The following UGDH variants were observed in gnomAD, a reference collection of about 807,000 sequenced individuals.
UGDH encodes UDP-glucose 6-dehydrogenase.
In UGDH, 38 loss-of-function variants were observed where a neutral mutation model predicts 50.6. That is an observed-to-expected ratio of 0.75 (90% CI 0.58 to 0.98). The LOEUF is 0.98. Among genes scored for constraint, UGDH ranks in the 50% least tolerant of loss-of-function variants. The pLI is 0.00. For missense variants in UGDH, 465 were observed against 606.2 expected (o/e 0.77, Z 2.45); for synonymous variants, 168 against 199.9 (o/e 0.84, Z 1.35).
intron 1 of UGDH, among the ~76,000 whole-genome samples, chr4:39,525,013 T>A (rs1746817651): frequency 6.6e-6 from 1 of 152,214 alleles, no homozygotes; most frequent in African/African-American, 2.4e-5. Context: ...CTATTTCCCA[T>A]GAAATACGGC....
chr4:39,500,341 C>CTAGAT (rs1745750517), intron 11 of UGDH, 88 bp from the exon 12 acceptor site: 5 of 793,034 alleles, frequency 6.3e-6, no homozygotes, highest in Admixed American at 2.9e-5. Flanking sequence ...CAGGGGGAAT[C>CTAGAT]TAGATTTTTT....
intron 11 of UGDH, among the ~76,000 whole-genome samples, chr4:39,503,252 G>A (rs1461570396): frequency 6.6e-6 from 1 of 152,036 alleles, no homozygotes; most frequent in Non-Finnish European, 1.5e-5. Context: ...GTTTCACCAT[G>A]TTGGCTAGGC....
In UGDH at chr4:39,510,769, G is replaced by A. The variant is rs535403403; in HGVS notation, c.357C>T (p.Asn119=). Residue 119 remains asparagine (N), a synonymous_variant, in exon 4 of 12, where the codon AAC becomes AAT. Transcript: ENST00000316423. The part of the protein sequence containing the change: ...IEACARRIVQ[N]SNGYKIVTEK... ...CAGTCACAATTTTGTACCCATTTGA[G>A]TTTTGCACAATGCGTCTAGCACAAG... 1.2e-6 allele frequency: 2 copies of A among 1,614,210 alleles called. No homozygotes were observed. Among genetic ancestry groups the A allele is most frequent in the Admixed American group, 3.3e-5 (2 of 60,016 alleles).
At chr4:39,515,771 C>A (rs1202901857) in intron 2 of UGDH, among the ~76,000 whole-genome samples, 1 of 152,172 alleles carries the variant, frequency 6.6e-6, no homozygotes, top group Admixed American at 6.5e-5. Flanking sequence ...ACCATCTCGT[C>A]TCACTGCAAC....
chr4:39,523,768 T>C (rs1402456395), intron 1 of UGDH, among the ~76,000 whole-genome samples: 8 of 150,868 alleles, frequency 5.3e-5, no homozygotes. Flanking sequence ...CGTGCCATGT[T>C]GCACTCCAGC....
intron 9 of UGDH, 84 bp downstream of exon 9, chr4:39,505,153 T>C (rs1305969777): frequency 7.1e-7 from 1 of 1,399,444 alleles, no homozygotes; most frequent in Non-Finnish European, 9.6e-7. Context: ...ATATACATGA[T>C]AAAACTGAAC....
chr4:39,505,751 G>A lies in UGDH; in HGVS notation c.907-3C>T. Reference sequence around the variant, plus strand: ...TGGTAGTCATTCATGTCTATGACCTGAAATTACATGTACAATTGTGCAATG... The same window carrying A: ...TGGTAGTCATTCATGTCTATGACCTAAAATTACATGTACAATTGTGCAATG... On this transcript the variant is annotated splice_region_variant and splice_polypyrimidine_tract_variant and intron_variant, in intron 7 of 11. Coordinates refer to ENST00000316423, the MANE Select transcript of UGDH (RefSeq NM_003359.4). 1 of 1,602,754 alleles carries A rather than the reference G, an allele frequency of 6.2e-7. No homozygotes were observed.
At position 39,506,796 on chromosome 4, in the gene UGDH, G is replaced by C. The variant is rs143247924; in HGVS notation, c.907-1048C>G. 2.6e-5 allele frequency among the ~76,000 whole-genome samples: 4 copies of C among 152,258 alleles called. No individual in the cohort carries two copies. In the East Asian group the frequency reaches 7.7e-4, roughly 29 times the overall value. On this transcript the variant is annotated intron_variant, in intron 7 of 11. Transcript: ENST00000316423. Reference sequence around the variant, plus strand: ...AGTTTATCTGCATTTTTCACACAATGAACAGTGAGATAAAGCCATCATGAT... The same window carrying C: ...AGTTTATCTGCATTTTTCACACAATCAACAGTGAGATAAAGCCATCATGAT...
At chr4:39,523,911 T>C (rs558459699) in intron 1 of UGDH, among the ~76,000 whole-genome samples, 5 of 152,324 alleles carry the variant, frequency 3.3e-5, no homozygotes, top group Admixed American at 3.3e-4. Context: ...AACCCCTTCC[T>C]TATCTACTTT....
chr4:39,518,149 T>A (rs950404305), intron 2 of UGDH, among the ~76,000 whole-genome samples: 2 of 152,134 alleles, frequency 1.3e-5, no homozygotes, highest in African/African-American at 4.8e-5. Context: ...AAGGCTGGTT[T>A]AGAACCCCTG....
chr4:39,503,748 C>T (rs1488332400), intron 11 of UGDH, 127 bp downstream of exon 11: 3 of 703,160 alleles, frequency 4.3e-6, no homozygotes, highest in East Asian at 6.0e-5. Context: ...TCTTAATTAG[C>T]CAAACATATT....
Position 39,505,746 on chromosome 4 carries a change from G to C in UGDH, c.909C>G (p.Val303=), listed in dbSNP as rs772297967. 1.2e-6 allele frequency: 2 copies of C among 1,605,048 alleles called. No homozygotes were observed. Among genetic ancestry groups the C allele is most frequent in the South Asian group, 2.2e-5 (2 of 89,596 alleles). The change falls in exon 8 of 12, where the codon GTC becomes GTG. Residue 303 remains valine (V), a splice_region_variant and synonymous_variant. Transcript: ENST00000316423. Reference sequence around the variant, plus strand: ...TCCTCTGGTAGTCATTCATGTCTATGACCTGAAATTACATGTACAATTGTG... The same window carrying C: ...TCCTCTGGTAGTCATTCATGTCTATCACCTGAAATTACATGTACAATTGTG... The part of the protein sequence containing the change: ...LPEVARYWQQ[V]IDMNDYQRRR...
chr4:39,512,819 ATTTT>A (rs386399849), intron 3 of UGDH, among the ~76,000 whole-genome samples: 29,089 of 135,642 alleles, frequency 0.21, 4,327 homozygotes, highest in African/African-American at 0.43. Context: ...AAGAGACTGA[ATTTT>A]TTTTTTTTTT....
chr4:39,510,663 G>A lies in UGDH; in HGVS notation c.463C>T (p.Gln155Ter), dbSNP rs1381665298. ...TTCTAATGCTTCATTTTTTATACCT[G>A]TAAATTCAAGTTGGGTTTTGTGTTT... ...DANTKPNLNL[Q>*]VLSNPEFLAE... Residue 155 changes from glutamine (Q) to a stop codon, truncating the protein, a stop_gained and splice_region_variant, in exon 4 of 12, where the codon CAG becomes TAG. Coordinates refer to ENST00000316423, the MANE Select transcript of UGDH (RefSeq NM_003359.4). LOFTEE classifies it high-confidence loss of function. The A allele has an allele frequency of 3.7e-6, 6 of 1,614,218 alleles. No homozygotes were observed. Among genetic ancestry groups the A allele is most frequent in the Non-Finnish European group, 5.1e-6 (6 of 1,180,044 alleles).
intron 2 of UGDH, among the ~76,000 whole-genome samples, chr4:39,516,676 T>C (rs1184210183): frequency 1.3e-5 from 2 of 152,160 alleles, no homozygotes; most frequent in Non-Finnish European, 2.9e-5. Flanking sequence ...ACATAAGTAA[T>C]TGGAGGATGT....
In UGDH at chr4:39,505,394, T is replaced by C. The variant is rs769011904; in HGVS notation, c.1038-24A>G. 6 of 1,491,244 alleles carry C rather than the reference T, an allele frequency of 4.0e-6. No individual in the cohort carries two copies. In the South Asian group the frequency reaches 4.2e-5, roughly 10 times the overall value. The allele number at this position is 1,491,244 out of a possible 1,614,324, so 92.4% of individuals were successfully genotyped here. A position where few individuals can be genotyped will look rare whatever the true frequency, so the allele number is the denominator to read the frequency against. On this transcript the variant is annotated intron_variant, in intron 8 of 11. Coordinates refer to ENST00000316423, the MANE Select transcript of UGDH (RefSeq NM_003359.4). ...CTCTATAGGAAAAAAAAAATCAGTA[T>C]TGGTAAGCTTTATGTGGCATTATAT...
chr4:39,521,299 TAAAG>T, intron 2 of UGDH, 48 bp downstream of exon 2: 5 of 1,502,412 alleles, frequency 3.3e-6, no homozygotes. Flanking sequence ...AATGATATAA[TAAAG>T]ACAGTAAGAA....
intron 10 of UGDH, 39 bp downstream of exon 10, chr4:39,504,377 AC>A: frequency 6.3e-7 from 1 of 1,577,258 alleles, no homozygotes; most frequent in South Asian, 1.1e-5. Flanking sequence ...ATAGTGGAAC[AC>A]CTCTAGAATT....
At chr4:39,503,631 C>T (rs1030424274) in intron 11 of UGDH, among the ~76,000 whole-genome samples, 12 of 152,202 alleles carry the variant, frequency 7.9e-5, no homozygotes, top group African/African-American at 2.4e-4. Context: ...AATTCTAAAA[C>T]CCACACAATG....
Sources: allele counts gnomAD v4.1 joint callset (sites outside exome capture counted in the v4.1 genomes callset), GRCh38; gene constraint gnomAD v4.1.1; transcripts MANE v1.5; gene names NCBI Gene and HGNC (gene_info 2026-07-23, HGNC 2026-07-21).